The following FGGY variants were observed in gnomAD, a reference collection of about 807,000 sequenced individuals.
FGGY encodes FGGY carbohydrate kinase domain-containing protein.
A neutral mutation model predicts 71.3 loss-of-function variants in FGGY; 72 were observed. The observed-to-expected ratio is 1.01, with a 90% CI of 0.84 to 1.23. FGGY has a LOEUF of 1.23. Among genes scored for constraint, FGGY ranks in the 50% most tolerant of loss-of-function variants. The pLI is 0.00. For missense variants in FGGY, 668 were observed against 682.3 expected (o/e 0.98, Z 0.23); for synonymous variants, 251 against 250.3 (o/e 1.00, Z -0.02).
At chr1:59,523,672 C>A (rs1370080310) in intron 7 of FGGY, among the ~76,000 whole-genome samples, 1 of 152,210 alleles carries the variant, frequency 6.6e-6, no homozygotes, top group Non-Finnish European at 1.5e-5. Flanking sequence ...GCAGTCCCCC[C>A]AGCCCACCTT....
chr1:59,521,030 T>TGG (rs1190850437), intron 7 of FGGY, among the ~76,000 whole-genome samples: 1 of 36,380 alleles, frequency 2.7e-5, no homozygotes. Flanking sequence ...TGCAAGAAAT[T>TGG]GGGGGTGGGG....
chr1:59,533,357 C>T (rs1425110077), intron 7 of FGGY, among the ~76,000 whole-genome samples: 5 of 152,338 alleles, frequency 3.3e-5, no homozygotes, highest in Middle Eastern at 3.4e-3. Flanking sequence ...CCTACGCCCA[C>T]GGAGTCTCAC....
At position 59,684,317 on chromosome 1, in the gene FGGY, C is replaced by T. The variant is rs146181946; in HGVS notation, c.1512+10184C>T. On this transcript the variant is annotated intron_variant, in intron 14 of 15. Coordinates refer to ENST00000303721, the MANE Select transcript of FGGY (RefSeq NM_018291.5). ...GTTTCTCTGTGTCTCAGAGGCCTCA[C>T]CTGTGAAAGATTCCATTGCAATTAC... 1.1e-4 allele frequency among the ~76,000 whole-genome samples: 16 copies of T among 152,242 alleles called. No homozygotes were observed. The East Asian group carries it at 2.9e-3, about 28-fold the overall frequency.
intron 8 of FGGY, among the ~76,000 whole-genome samples, chr1:59,576,677 GACACACACACACAC>G (rs57817494): frequency 6.1e-5 from 8 of 130,128 alleles, no homozygotes; most frequent in South Asian, 5.6e-4. Flanking sequence ...CAGACAGACA[GACACACACACACAC>G]ACACACACAC....
chr1:59,756,410 C>T (rs752024631), intron 14 of FGGY, among the ~76,000 whole-genome samples: 3 of 152,210 alleles, frequency 2.0e-5, no homozygotes, highest in Non-Finnish European at 2.9e-5. Context: ...AGTGGAAATT[C>T]GTGTAAGCTA....
intron 8 of FGGY, among the ~76,000 whole-genome samples, chr1:59,584,099 G>T (rs1359365799): frequency 6.7e-6 from 1 of 149,664 alleles, no homozygotes; most frequent in Non-Finnish European, 1.5e-5. Context: ...GGAGGAATTG[G>T]TACCATTCCT....
intron 5 of FGGY, among the ~76,000 whole-genome samples, chr1:59,446,207 G>T (rs879311801): frequency 2.0e-5 from 3 of 152,074 alleles, no homozygotes; most frequent in Non-Finnish European, 4.4e-5. Context: ...GCTTCATCAC[G>T]ATCTTGGAAT....
At chr1:59,330,212 A>C (rs999605542) in intron 2 of FGGY, among the ~76,000 whole-genome samples, 2 of 152,110 alleles carry the variant, frequency 1.3e-5, no homozygotes, top group Non-Finnish European at 2.9e-5. Context: ...TGTCTTCCCT[A>C]CTAGATTTTA....
chr1:59,445,920 C>T (rs2071125880), intron 5 of FGGY, among the ~76,000 whole-genome samples: 1 of 152,156 alleles, frequency 6.6e-6, no homozygotes, highest in Non-Finnish European at 1.5e-5. Flanking sequence ...TTTTGAACTT[C>T]TGTCCTGCTC....
chr1:59,675,041 C>T (rs1018318103), intron 14 of FGGY, among the ~76,000 whole-genome samples: 1 of 152,158 alleles, frequency 6.6e-6, no homozygotes, highest in African/African-American at 2.4e-5. Flanking sequence ...CCTGCAATAG[C>T]TCTATTATCC....
chr1:59,688,271 T>G (rs1328825335), intron 14 of FGGY, among the ~76,000 whole-genome samples: 1 of 152,162 alleles, frequency 6.6e-6, no homozygotes, highest in Non-Finnish European at 1.5e-5. Flanking sequence ...GTGATTATTC[T>G]CACATGAAAA....
intron 14 of FGGY, among the ~76,000 whole-genome samples, chr1:59,689,855 A>G (rs969325044): frequency 3.9e-5 from 6 of 152,194 alleles, no homozygotes; most frequent in Admixed American, 6.5e-5. Context: ...GCCACTTTCT[A>G]CCAGCTCAAA....
At chr1:59,358,844 C>G (rs1168080018) in intron 4 of FGGY, among the ~76,000 whole-genome samples, 1 of 152,206 alleles carries the variant, frequency 6.6e-6, no homozygotes, top group Non-Finnish European at 1.5e-5. Flanking sequence ...GCTTTCAAAT[C>G]TTCTATCCCA....
At chr1:59,742,682 A>C (rs1057165915) in intron 14 of FGGY, among the ~76,000 whole-genome samples, 1 of 152,140 alleles carries the variant, frequency 6.6e-6, no homozygotes, top group Non-Finnish European at 1.5e-5. Flanking sequence ...AAAAATTGGC[A>C]CTGTTCCCAT....
At chr1:59,507,986 A>T (rs72666218) in intron 6 of FGGY, among the ~76,000 whole-genome samples, 1 of 151,722 alleles carries the variant, frequency 6.6e-6, no homozygotes, top group Non-Finnish European at 1.5e-5. Flanking sequence ...TTTGCGACAT[A>T]CTAAATGCCT....
At chr1:59,497,336 C>T (rs945657993) in intron 6 of FGGY, among the ~76,000 whole-genome samples, 6 of 152,162 alleles carry the variant, frequency 3.9e-5, no homozygotes, top group Admixed American at 2.0e-4. Flanking sequence ...GCCTATAATC[C>T]CAGCACTTTG....
chr1:59,560,348 C>T (rs2095766554), intron 8 of FGGY, among the ~76,000 whole-genome samples: 1 of 152,064 alleles, frequency 6.6e-6, no homozygotes, highest in South Asian at 2.1e-4. Context: ...CCTAAAGAGC[C>T]ATGATAACTA....
rs377178439 is a variant in FGGY at position 59,508,282 on chromosome 1, A to G, written c.671-4029A>G. Among the ~76,000 whole-genome samples, 7 of 152,324 alleles carry G rather than the reference A, an allele frequency of 4.6e-5. 1 individual carries two copies. Among genetic ancestry groups the G allele is most frequent in the East Asian group, 1.9e-4 (1 of 5,186 alleles). On this transcript the variant is annotated intron_variant, in intron 6 of 15. Coordinates refer to ENST00000303721, the MANE Select transcript of FGGY (RefSeq NM_018291.5). ...TTCATCATCTTTGTCCCAAACCACAATATGAGACCTCAGCACCTAGATCTT... is the reference window on the plus strand; with the variant it reads ...TTCATCATCTTTGTCCCAAACCACAGTATGAGACCTCAGCACCTAGATCTT...
intron 14 of FGGY, among the ~76,000 whole-genome samples, chr1:59,713,289 C>G (rs1350725171): frequency 6.6e-6 from 1 of 152,232 alleles, no homozygotes; most frequent in Non-Finnish European, 1.5e-5. Context: ...TCGAAACTTT[C>G]CCACATCTTC....
Sources: allele counts gnomAD v4.1 joint callset (sites outside exome capture counted in the v4.1 genomes callset), GRCh38; gene constraint gnomAD v4.1.1; transcripts MANE v1.5; gene names NCBI Gene and HGNC (gene_info 2026-07-23, HGNC 2026-07-21).